RSAD2: variants seen among roughly 807,000 people sequenced by gnomAD.
RSAD2 encodes radical S-adenosyl methionine domain containing 2.
RSAD2 carries 38 observed loss-of-function variants against 37.7 expected under a neutral mutation model. The ratio of observed to expected loss-of-function variants is 1.01; its 90% confidence interval spans 0.78 to 1.32. The LOEUF is 1.32. Ranked by LOEUF, RSAD2 falls within the 40% of genes most tolerant of loss-of-function variation. The pLI is 0.00. For missense variants in RSAD2, 428 were observed against 437.5 expected (o/e 0.98, Z 0.19); for synonymous variants, 163 against 157.4 (o/e 1.04, Z -0.27).
chr2:6,874,989 G>A (rs1663258751), upstream of RSAD2, among the ~76,000 whole-genome samples: 2 of 152,188 alleles, frequency 1.3e-5, no homozygotes, highest in South Asian at 4.1e-4. Context: ...CAGCCTTACA[G>A]TGAATACATA....
chr2:6,881,869 C>A (rs982171555), intron 1 of RSAD2, among the ~76,000 whole-genome samples: 3 of 150,764 alleles, frequency 2.0e-5, no homozygotes, highest in African/African-American at 4.9e-5. Context: ...AATGCATAGA[C>A]CCCATCCTCC....
Position 6,887,072 on chromosome 2 carries a change from G to T in RSAD2, c.646G>T (p.Val216Phe). ...GAGGAGGTGGTGTAGGGATTATAGA[G>T]TCGCTTTCAAGATAAATTCTGTCAT... is the stretch of plus-strand genomic sequence containing the variant. ...KLRRWCRDYR[V>F]AFKINSVINR... The change falls in exon 3 of 6, where the codon GTC becomes TTC. Residue 216 changes from valine (V) to phenylalanine (F), a missense_variant. By Grantham distance (50) the Val-to-Phe change is conservative. Coordinates refer to ENST00000382040, the MANE Select transcript of RSAD2 (RefSeq NM_080657.5). 1 of 1,614,176 alleles carries T rather than the reference G, an allele frequency of 6.2e-7. No individual in the cohort carries two copies. Among genetic ancestry groups the T allele is most frequent in the Non-Finnish European group, 8.5e-7 (1 of 1,180,006 alleles).
intron 1 of RSAD2, among the ~76,000 whole-genome samples, chr2:6,872,236 A>G (rs1200755728): frequency 1.3e-5 from 2 of 152,222 alleles, no homozygotes; most frequent in Non-Finnish European, 2.9e-5. Context: ...ATAAGATAAT[A>G]CTAAGACACT....
chr2:6,880,359 G>A (rs558027701), intron 1 of RSAD2, among the ~76,000 whole-genome samples: 29 of 152,292 alleles, frequency 1.9e-4, no homozygotes, highest in African/African-American at 6.0e-4. Flanking sequence ...AGGATTTGGC[G>A]TGGGAGGGTT....
At chr2:6,885,044 C>T (rs10929456) in intron 2 of RSAD2, among the ~76,000 whole-genome samples, 115,000 of 151,990 alleles carry the variant, frequency 0.76, 44,433 homozygotes, top group East Asian at 0.84. Flanking sequence ...ACTACCTCTC[C>T]AAGTTTGGTA....
upstream of RSAD2, among the ~76,000 whole-genome samples, chr2:6,873,335 A>T (rs193263485): frequency 6.6e-6 from 1 of 152,180 alleles, no homozygotes. Flanking sequence ...ACATTTCTCT[A>T]TAATAGCATA....
chr2:6,880,170 G>C (rs1157884850), intron 1 of RSAD2, among the ~76,000 whole-genome samples: 1 of 152,164 alleles, frequency 6.6e-6, no homozygotes, highest in Non-Finnish European at 1.5e-5. Flanking sequence ...TCCTGTAAGA[G>C]AGATTTCTAG....
At chr2:6,873,170 A>G (rs1663229107), upstream of RSAD2, among the ~76,000 whole-genome samples, 1 of 152,132 alleles carries the variant, frequency 6.6e-6, no homozygotes. Flanking sequence ...TTTATTTTGA[A>G]GATCTAGAAA....
intron 4 of RSAD2, among the ~76,000 whole-genome samples, chr2:6,891,505 C>T (rs1205727473): frequency 1.3e-5 from 2 of 152,148 alleles, no homozygotes; most frequent in Non-Finnish European, 1.5e-5. Context: ...CGGTGGCTCA[C>T]GCCTGTAATC....
chr2:6,884,966 C>A (rs1319132337), intron 2 of RSAD2, among the ~76,000 whole-genome samples: 2 of 152,200 alleles, frequency 1.3e-5, no homozygotes, highest in Non-Finnish European at 2.9e-5. Flanking sequence ...TGATTTTCCA[C>A]CTCTGGCTTA....
chr2:6,879,835 T>C (rs550156810), intron 1 of RSAD2, among the ~76,000 whole-genome samples: 48 of 152,318 alleles, frequency 3.2e-4, no homozygotes, highest in Non-Finnish European at 3.4e-4. Context: ...AATAAGGAGA[T>C]ATGTCGAGGG....
chr2:6,866,821 GT>G (rs61044752), intron 1 of RSAD2, among the ~76,000 whole-genome samples: 8 of 149,654 alleles, frequency 5.3e-5, no homozygotes, highest in African/African-American at 2.0e-4. Flanking sequence ...GCTGAAAGCA[GT>G]TTTTTTTTTA....
chr2:6,882,042 C>T (rs1663416497), intron 1 of RSAD2, among the ~76,000 whole-genome samples: 1 of 152,186 alleles, frequency 6.6e-6, no homozygotes, highest in Non-Finnish European at 1.5e-5. Flanking sequence ...AAAATGACCC[C>T]AGAGTAAAGA....
At chr2:6,875,934 C>A (rs1663273752), upstream of RSAD2, among the ~76,000 whole-genome samples, 1 of 152,192 alleles carries the variant, frequency 6.6e-6, no homozygotes, top group Non-Finnish European at 1.5e-5. Context: ...TGATCAGAAA[C>A]CCTTCCTGAA....
chr2:6,883,277 TTTC>T, intron 1 of RSAD2, 91 bp from the exon 2 acceptor site: 3 of 1,396,988 alleles, frequency 2.1e-6, no homozygotes, highest in Non-Finnish European at 2.9e-6. Context: ...GAAAGTTTTA[TTTC>T]TTTTTTTTAC....
chr2:6,882,545 A>G (rs1004205901), intron 1 of RSAD2, among the ~76,000 whole-genome samples: 2 of 152,224 alleles, frequency 1.3e-5, no homozygotes, highest in Non-Finnish European at 2.9e-5. Flanking sequence ...CAGTAATAGA[A>G]GTTCCAGAAA....
At chr2:6,889,249 G>A (rs55956246) in intron 3 of RSAD2, among the ~76,000 whole-genome samples, 2,723 of 152,326 alleles carry the variant, frequency 0.018, 80 homozygotes, top group African/African-American at 0.063. Context: ...GATGGGGCAT[G>A]AGGATGGGTG....
At chr2:6,871,107 C>T (rs1180191807) in intron 1 of RSAD2, among the ~76,000 whole-genome samples, 2 of 152,146 alleles carry the variant, frequency 1.3e-5, no homozygotes, top group Non-Finnish European at 2.9e-5. Context: ...TTTGAAAGTC[C>T]TCAATGGAAT....
chr2:6,880,582 C>A (rs1663379176), intron 1 of RSAD2, among the ~76,000 whole-genome samples: 1 of 152,146 alleles, frequency 6.6e-6, no homozygotes, highest in Admixed American at 6.5e-5. Flanking sequence ...TGAAGTTTGG[C>A]AGTTACCTAA....
Sources: allele counts gnomAD v4.1 joint callset (sites outside exome capture counted in the v4.1 genomes callset), GRCh38; gene constraint gnomAD v4.1.1; transcripts MANE v1.5; gene names NCBI Gene and HGNC (gene_info 2026-07-23, HGNC 2026-07-21).